Variants in UPRT observed in about 807,000 individuals in gnomAD.
The protein encoded by UPRT is uracil phosphoribosyltransferase homolog.
In UPRT, 5 loss-of-function variants were observed where a neutral mutation model predicts 22.6. That is an observed-to-expected ratio of 0.22 (90% CI 0.12 to 0.47). The LOEUF is 0.47. Among genes scored for constraint, UPRT ranks in the 20% least tolerant of loss-of-function variants. The probability of loss-of-function intolerance (pLI) is 0.99; values close to 1 mark genes in which losing one functional copy is unlikely to be tolerated. For missense variants in UPRT, 181 were observed against 239.9 expected (o/e 0.75, Z 1.62); for synonymous variants, 77 against 87.7 (o/e 0.88, Z 0.68).
intron 4 of UPRT, among the ~76,000 whole-genome samples, chrX:75,252,743 A>G (rs988957269): frequency 1.8e-5 from 2 of 112,189 alleles, no homozygotes; most frequent in African/African-American, 6.5e-5. Context: ...ACATGCACAC[A>G]TATGTTTATT....
chrX:75,300,133 A>T (rs1033049160), intron 5 of UPRT, among the ~76,000 whole-genome samples: 1 of 112,332 alleles, frequency 8.9e-6, no homozygotes, highest in Admixed American at 9.4e-5. Flanking sequence ...GAAACAAAGG[A>T]TTTAATGAGG....
At position 75,278,234 on chromosome X, in the gene UPRT, C is replaced by T. The variant is rs777479056; in HGVS notation, c.386+3594C>T. On this transcript the variant is annotated intron_variant, in intron 1 of 6. Coordinates refer to ENST00000373383, the MANE Select transcript of UPRT (RefSeq NM_145052.4). ...AATCGGGATTGAGCCAGCAGGACTG[C>T]ATGTTGTTGTATATATGTGAAACAG... is the stretch of plus-strand genomic sequence containing the variant. Among the ~76,000 whole-genome samples the T allele has an allele frequency of 1.2e-4, 13 of 111,731 alleles. No homozygotes were observed. The East Asian group carries it at 3.6e-3, about 31-fold the overall frequency.
At chrX:75,183,129 C>T (rs1232591592) in intron 4 of UPRT, among the ~76,000 whole-genome samples, 1 of 110,636 alleles carries the variant, frequency 9.0e-6, no homozygotes, top group Non-Finnish European at 1.9e-5. Flanking sequence ...CCCATTAACT[C>T]ATCATTTACA....
chrX:75,268,553 G>A (rs1486782869), intron 4 of UPRT, among the ~76,000 whole-genome samples: 3 of 111,265 alleles, frequency 2.7e-5, no homozygotes, highest in African/African-American at 6.5e-5. Context: ...CAAAAAGCTT[G>A]TCTGTCACGA....
At chrX:75,160,450 C>T (rs1013611416) in intron 1 of UPRT, among the ~76,000 whole-genome samples, 2 of 111,762 alleles carry the variant, frequency 1.8e-5, no homozygotes, top group African/African-American at 3.3e-5. Context: ...ATTACCCTTC[C>T]CCCAAAATAA....
rs1389854937 is a variant in UPRT, at chrX:75,218,927, T to G, written c.-447+51048T>G. ...GGGGGAGGGATAGCTTTAGGAGATATACCTAATGCTAAATAATGAGTTAAT... is the reference window on the plus strand; with the variant it reads ...GGGGGAGGGATAGCTTTAGGAGATAGACCTAATGCTAAATAATGAGTTAAT... On this transcript the variant is annotated intron_variant, in intron 4 of 13. Coordinates refer to the UPRT transcript ENST00000652605. 2.7e-5 allele frequency among the ~76,000 whole-genome samples: 3 copies of G among 110,701 alleles called. No homozygotes were observed. In the Admixed American group the frequency reaches 2.9e-4, roughly 11 times the overall value.
intron 4 of UPRT, among the ~76,000 whole-genome samples, chrX:75,230,828 G>A (rs939123359): frequency 1.8e-5 from 2 of 111,692 alleles, no homozygotes; most frequent in East Asian, 2.8e-4. Flanking sequence ...GCCACACTGG[G>A]TGGCTAGACC....
chrX:75,185,197 C>G lies in UPRT; in HGVS notation c.-447+17318C>G, dbSNP rs181686429. Among the ~76,000 whole-genome samples the G allele has an allele frequency of 3.5e-3, 391 of 111,882 alleles. 1 individual carries two copies. The highest frequency in any genetic ancestry group is 0.012 in the African/African-American group (376 of 30,746). The stretch of plus-strand genomic sequence containing the variant: ...CTTATTATTTTGAAATACATCCCAT[C>G]AATACCTAATTTATTGAGAGTTTTT... On this transcript the variant is annotated intron_variant, in intron 4 of 13. Transcript: ENST00000652605.
chrX:75,286,576 TACGTATTTTAC>T (rs1373479441), intron 1 of UPRT, among the ~76,000 whole-genome samples: 2 of 111,704 alleles, frequency 1.8e-5, no homozygotes, highest in Admixed American at 1.9e-4. Flanking sequence ...GTAACCTTAG[TACGTATTTTAC>T]AAGCCACGTT....
intron 4 of UPRT, among the ~76,000 whole-genome samples, chrX:75,258,550 C>A (rs1004247434): frequency 9.0e-6 from 1 of 111,730 alleles, no homozygotes; most frequent in Non-Finnish European, 1.9e-5. Flanking sequence ...AGCAAGGCCA[C>A]TGTGGCCAGA....
chrX:75,232,661 C>G (rs1009749576), intron 4 of UPRT, among the ~76,000 whole-genome samples: 1 of 112,019 alleles, frequency 8.9e-6, no homozygotes, highest in Non-Finnish European at 1.9e-5. Flanking sequence ...GGGAGACACT[C>G]GCCAGCAGGG....
chrX:75,235,909 A>G (rs1360864118), intron 4 of UPRT, among the ~76,000 whole-genome samples: 1 of 111,613 alleles, frequency 9.0e-6, no homozygotes, highest in Admixed American at 9.6e-5. Context: ...GCCCTCTCTC[A>G]CCACTCCTAT....
At chrX:75,264,811 T>A (rs2082581780) in intron 4 of UPRT, among the ~76,000 whole-genome samples, 1 of 111,814 alleles carries the variant, frequency 8.9e-6, no homozygotes, top group Non-Finnish European at 1.9e-5. Flanking sequence ...TTGGCATGTT[T>A]TTGCAGTGAC....
At chrX:75,297,983 C>CTTT (rs11436262) in intron 4 of UPRT, among the ~76,000 whole-genome samples, 3 of 93,452 alleles carry the variant, frequency 3.2e-5, no homozygotes, top group Non-Finnish European at 4.2e-5. Flanking sequence ...GATATTTTTA[C>CTTT]TTTTTTTTTT....
Position 75,250,762 on chromosome X carries a change from A to G in UPRT, c.-446-40262A>G, listed in dbSNP as rs1429325219. Among the ~76,000 whole-genome samples the G allele has an allele frequency of 2.7e-5, 3 of 111,707 alleles. No individual in the cohort carries two copies. The East Asian group carries it at 8.5e-4, about 32-fold the overall frequency. On this transcript the variant is annotated intron_variant, in intron 4 of 13. Transcript: ENST00000652605. Reference sequence around the variant, plus strand: ...AGCCTGGCAGAGACACAACAAAAAAAGAGAATTTTAGACTAATATCCTTAA... The same window carrying G: ...AGCCTGGCAGAGACACAACAAAAAAGGAGAATTTTAGACTAATATCCTTAA...
At chrX:75,176,023 T>C (rs1211423877) in intron 4 of UPRT, among the ~76,000 whole-genome samples, 1 of 111,574 alleles carries the variant, frequency 9.0e-6, no homozygotes. Context: ...TTAGAATCAA[T>C]TGACCCTCGA....
chrX:75,191,202 G>A lies in UPRT; in HGVS notation c.-447+23323G>A, dbSNP rs376304696. On this transcript the variant is annotated intron_variant, in intron 4 of 13. Coordinates refer to the UPRT transcript ENST00000652605. ...TGTTAGTTTTCCTTCTAACAATCAG[G>A]ACCCTTAGCTGCAGGTCTGTTGGAG... 8.9e-5 allele frequency among the ~76,000 whole-genome samples: 10 copies of A among 112,384 alleles called. No individual in the cohort carries two copies. In the East Asian group the frequency reaches 2.8e-3, roughly 32 times the overall value.
intron 4 of UPRT, among the ~76,000 whole-genome samples, chrX:75,211,824 A>G (rs1013706155): frequency 8.9e-6 from 1 of 111,833 alleles, no homozygotes; most frequent in Non-Finnish European, 1.9e-5. Context: ...ACACACACAC[A>G]GAGAGAGGGC....
intron 4 of UPRT, among the ~76,000 whole-genome samples, chrX:75,173,939 A>T (rs7888803): frequency 9.1e-6 from 1 of 109,607 alleles, no homozygotes; most frequent in African/African-American, 3.3e-5. Context: ...CAGCTGGCCC[A>T]CAAGCGCCGC....
Sources: gnomAD v4.1 joint callset for allele counts (sites outside exome capture counted in the v4.1 genomes callset) on GRCh38, gnomAD v4.1.1 for gene constraint, MANE v1.5 for transcripts, NCBI Gene and HGNC (gene_info 2026-07-23, HGNC 2026-07-21) for gene names.